Variants in OXCT1 observed in about 807,000 individuals in gnomAD.
OXCT1 encodes the protein succinyl-CoA:3-ketoacid coenzyme A transferase 1, mitochondrial.
In OXCT1, 27 loss-of-function variants were observed where a neutral mutation model predicts 69.6. The observed-to-expected ratio is 0.39, with a 90% CI of 0.29 to 0.54. The LOEUF (loss-of-function observed/expected upper bound fraction) is 0.54. OXCT1 is among the 20% of genes least tolerant of loss of function. The pLI is 0.72. For synonymous variants in OXCT1, 202 were observed against 217.8 expected (o/e 0.93, Z 0.64); for missense variants, 437 against 650.2 (o/e 0.67, Z 3.57).
chr5:41,852,310 G>GC (rs1432194926), intron 4 of OXCT1, among the ~76,000 whole-genome samples: 2 of 152,176 alleles, frequency 1.3e-5, no homozygotes, highest in African/African-American at 4.8e-5. Context: ...AGGTGTGACT[G>GC]CAACACGAGC....
rs77465860 is a variant in OXCT1, at chr5:41,742,357, T to A, written c.1420-2866A>T. On this transcript the variant is annotated intron_variant, in intron 15 of 16. Transcript: ENST00000196371. ...CAATAAATTGTTCAACTATCCAGAA[T>A]ACTGAAAGTACTTTGTCTAAGAGAT... Among the ~76,000 whole-genome samples the A allele has an allele frequency of 6.4e-3, 980 of 152,334 alleles. 9 individuals carry two copies. Among genetic ancestry groups the A allele is most frequent in the Middle Eastern group, 0.027 (8 of 294 alleles).
Position 41,730,092 on chromosome 5 carries a change from T to A in OXCT1, c.*1637A>T, listed in dbSNP as rs1378403135. 2.0e-5 allele frequency: 3 copies of A among 152,230 alleles called. No homozygotes were observed. Among genetic ancestry groups the A allele is most frequent in the Non-Finnish European group, 4.4e-5 (3 of 68,036 alleles). 9.4% of individuals were successfully genotyped at this position (152,230 alleles called of 1,614,324 possible). On this transcript the variant is annotated 3_prime_UTR_variant, in exon 17 of 17. Transcript: ENST00000196371. ...CATCACTTTAGAATATTTATTGTAT[T>A]CCTTAATGCATTTCTTAACATGTAT...
intron 1 of OXCT1, among the ~76,000 whole-genome samples, chr5:41,864,654 C>T (rs1749882124): frequency 6.6e-6 from 1 of 152,136 alleles, no homozygotes. Context: ...ATTTTTGAAG[C>T]TTAGAAGGAT....
At chr5:41,862,104 G>C (rs147439450) in intron 2 of OXCT1, among the ~76,000 whole-genome samples, 1 of 152,066 alleles carries the variant, frequency 6.6e-6, no homozygotes, top group South Asian at 2.1e-4. Flanking sequence ...CCAGCTACTC[G>C]GGAGGCTAAG....
chr5:41,814,900 AAG>A (rs1460095710), intron 7 of OXCT1, among the ~76,000 whole-genome samples: 3 of 152,030 alleles, frequency 2.0e-5, no homozygotes, highest in Admixed American at 1.3e-4. Context: ...AATAAATAAA[AAG>A]AGTCTTCCTT....
intron 6 of OXCT1, among the ~76,000 whole-genome samples, chr5:41,841,250 C>T (rs541951818): frequency 7.9e-5 from 12 of 152,158 alleles, no homozygotes; most frequent in Admixed American, 1.3e-4. Flanking sequence ...AAGTAAGTCA[C>T]AGCTATGTTT....
intron 7 of OXCT1, among the ~76,000 whole-genome samples, chr5:41,837,731 T>C (rs1748439406): frequency 6.6e-6 from 1 of 152,014 alleles, no homozygotes; most frequent in Non-Finnish European, 1.5e-5. Context: ...AAAGCATCCA[T>C]TGATAGATAA....
At chr5:41,785,521 T>C (rs1398991448) in intron 13 of OXCT1, among the ~76,000 whole-genome samples, 1 of 152,200 alleles carries the variant, frequency 6.6e-6, no homozygotes, top group African/African-American at 2.4e-5. Context: ...TATTATAAGA[T>C]TTATATCACG....
At chr5:41,744,001 T>C (rs1743335999) in intron 15 of OXCT1, among the ~76,000 whole-genome samples, 1 of 152,130 alleles carries the variant, frequency 6.6e-6, no homozygotes, top group Non-Finnish European at 1.5e-5. Flanking sequence ...AAGTAGTTTG[T>C]TCCAATGCTG....
At chr5:41,767,918 C>G (rs1456960436) in intron 13 of OXCT1, among the ~76,000 whole-genome samples, 3 of 151,510 alleles carry the variant, frequency 2.0e-5, no homozygotes, top group African/African-American at 7.3e-5. Context: ...TCCCAGAACA[C>G]TTTATATGTT....
At chr5:41,776,952 G>C (rs2112162747) in intron 13 of OXCT1, among the ~76,000 whole-genome samples, 1 of 152,262 alleles carries the variant, frequency 6.6e-6, no homozygotes, top group African/African-American at 2.4e-5. Context: ...TGGAAATACA[G>C]ACTGGACCTC....
intron 5 of OXCT1, among the ~76,000 whole-genome samples, chr5:41,847,176 CTAG>C (rs1468503218): frequency 6.6e-6 from 1 of 151,754 alleles, no homozygotes; most frequent in African/African-American, 2.4e-5. Flanking sequence ...ACTAGAAAAT[CTAG>C]AAGAAATGGA....
intron 13 of OXCT1, among the ~76,000 whole-genome samples, chr5:41,786,525 T>C (rs1200425282): frequency 2.0e-5 from 3 of 152,176 alleles, no homozygotes. Context: ...TTTTGAATGA[T>C]TATTAAAGCA....
At chr5:41,827,969 C>A (rs1032026046) in intron 7 of OXCT1, among the ~76,000 whole-genome samples, 17 of 152,274 alleles carry the variant, frequency 1.1e-4, no homozygotes, top group African/African-American at 4.1e-4. Flanking sequence ...ATGACTTCAA[C>A]CCTGGACTAT....
At chr5:41,851,148 G>A (rs1253209523) in intron 4 of OXCT1, among the ~76,000 whole-genome samples, 1 of 151,976 alleles carries the variant, frequency 6.6e-6, no homozygotes, top group East Asian at 1.9e-4. Context: ...AAAAAGAATT[G>A]GTTCATGGTA....
intron 5 of OXCT1, 83 bp from the exon 6 acceptor site, chr5:41,842,864 A>G (rs890877737): frequency 9.6e-6 from 9 of 938,464 alleles, no homozygotes; most frequent in Middle Eastern, 2.1e-4. Flanking sequence ...GTAGATAATA[A>G]GGATACAAGC....
chr5:41,733,790 A>G (rs1742757309), intron 16 of OXCT1, among the ~76,000 whole-genome samples: 1 of 152,168 alleles, frequency 6.6e-6, no homozygotes, highest in Non-Finnish European at 1.5e-5. Context: ...CATCTACTAA[A>G]CCACCATTTC....
chr5:41,784,634 T>C (rs916173432), intron 13 of OXCT1, among the ~76,000 whole-genome samples: 1 of 152,224 alleles, frequency 6.6e-6, no homozygotes, highest in African/African-American at 2.4e-5. Flanking sequence ...TTTTCATCAC[T>C]TGCCACAGAT....
intron 6 of OXCT1, among the ~76,000 whole-genome samples, chr5:41,840,968 G>A (rs1009959469): frequency 6.6e-6 from 1 of 152,316 alleles, no homozygotes; most frequent in Admixed American, 6.5e-5. Context: ...CTCTATTGAA[G>A]AGAAGCCTAT....
Sources: allele counts gnomAD v4.1 joint callset (sites outside exome capture counted in the v4.1 genomes callset), GRCh38; gene constraint gnomAD v4.1.1; transcripts MANE v1.5; gene names NCBI Gene and HGNC (gene_info 2026-07-23, HGNC 2026-07-21).